The following GMCL1 variants were observed in gnomAD, a reference collection of about 807,000 sequenced individuals.
GMCL1 encodes the protein germ cell-less protein-like 1.
Under a neutral mutation model 75.5 loss-of-function variants are expected in GMCL1, and 54 were observed. The observed-to-expected ratio is 0.71, with a 90% CI of 0.57 to 0.90. The LOEUF (loss-of-function observed/expected upper bound fraction) is 0.90. Ranked by LOEUF, GMCL1 falls within the 40% of genes least tolerant of loss-of-function variation. The pLI is 0.00. For synonymous variants in GMCL1, 210 were observed against 209.6 expected (o/e 1.00, Z -0.02); for missense variants, 537 against 622.7 (o/e 0.86, Z 1.47).
At chr2:69,853,477 G>C (rs926325904) in intron 8 of GMCL1, among the ~76,000 whole-genome samples, 2 of 152,114 alleles carry the variant, frequency 1.3e-5, no homozygotes, top group African/African-American at 4.8e-5. Flanking sequence ...TTTTAGTGGG[G>C]AACACCTTCT....
At chr2:69,866,809 A>C (rs1573369332) in intron 11 of GMCL1, among the ~76,000 whole-genome samples, 1 of 152,096 alleles carries the variant, frequency 6.6e-6, no homozygotes, top group African/African-American at 2.4e-5. Context: ...GTATAAAAGA[A>C]TAGTTTTCTT....
At chr2:69,850,981 C>G (rs903141461) in intron 8 of GMCL1, among the ~76,000 whole-genome samples, 62 of 152,246 alleles carry the variant, frequency 4.1e-4, no homozygotes, top group African/African-American at 1.4e-3. Flanking sequence ...CATATGTTTC[C>G]TCTTCTGTGA....
chr2:69,879,704 C>T lies in GMCL1; in HGVS notation c.*700C>T, dbSNP rs1435544609. ...AAGAACAGTGAAAGTTAGCTTTGCA[C>T]CTTCAAATGATCTTGAATGAGGGAA... On this transcript the variant is annotated 3_prime_UTR_variant, in exon 14 of 14. Coordinates refer to ENST00000282570, the MANE Select transcript of GMCL1 (RefSeq NM_178439.5). The T allele has an allele frequency of 6.6e-6, 1 of 152,106 alleles. No individual in the cohort carries two copies. Among genetic ancestry groups the T allele is most frequent in the African/African-American group, 2.4e-5 (1 of 41,414 alleles). The allele number at this position is 152,106 out of a possible 1,614,324, so 9.4% of individuals were successfully genotyped here.
At position 69,840,965 on chromosome 2, in the gene GMCL1, C is replaced by G. The variant is rs1674967435; in HGVS notation, c.505C>G (p.Leu169Val). ...VEALQVAFGS[L>V]YRDDVLIKPS... is the part of the protein sequence containing the mutation. The stretch of plus-strand genomic sequence containing the variant: ...AGCACTGCAGGTTGCATTTGGTTCA[C>G]TGTATCGAGATGATGTCTTGATAAA... Residue 169 changes from leucine (L) to valine (V), a missense_variant, in exon 4 of 14, where the codon CTG becomes GTG. By Grantham distance (32) the Leu-to-Val change is conservative. Transcript: ENST00000282570. 2 of 1,613,872 alleles carry G rather than the reference C, an allele frequency of 1.2e-6. No individual in the cohort carries two copies. The highest frequency in any genetic ancestry group is 1.1e-5 in the South Asian group (1 of 91,040).
intron 11 of GMCL1, among the ~76,000 whole-genome samples, chr2:69,867,300 C>G (rs1023559952): frequency 6.6e-6 from 1 of 152,044 alleles, no homozygotes. Flanking sequence ...ATTTCAATAT[C>G]TCTGTTCCCT....
At chr2:69,868,368 A>G (rs1026551322) in intron 11 of GMCL1, among the ~76,000 whole-genome samples, 1 of 152,180 alleles carries the variant, frequency 6.6e-6, no homozygotes, top group Admixed American at 6.5e-5. Context: ...TATCAGTTAA[A>G]TACTGAATTG....
chr2:69,874,245 T>A (rs1163037348), intron 13 of GMCL1, among the ~76,000 whole-genome samples: 1 of 152,202 alleles, frequency 6.6e-6, no homozygotes, highest in Non-Finnish European at 1.5e-5. Flanking sequence ...TACTGTCCAA[T>A]TTATACTTCC....
intron 13 of GMCL1, among the ~76,000 whole-genome samples, chr2:69,872,056 G>C (rs1468919612): frequency 6.6e-6 from 1 of 152,122 alleles, no homozygotes; most frequent in Non-Finnish European, 1.5e-5. Context: ...ACTGTTTGAG[G>C]GGCAGGGAAA....
chr2:69,870,905 G>A (rs1476323592), intron 12 of GMCL1, among the ~76,000 whole-genome samples: 7 of 152,148 alleles, frequency 4.6e-5, no homozygotes, highest in Non-Finnish European at 1.0e-4. Context: ...GGAGTATTTA[G>A]AACCCTTGTG....
chr2:69,861,330 A>C lies in GMCL1; in HGVS notation c.1125A>C (p.Glu375Asp). The C allele has an allele frequency of 6.2e-7, 1 of 1,609,592 alleles. No individual in the cohort carries two copies. Among genetic ancestry groups the C allele is most frequent in the Non-Finnish European group, 8.5e-7 (1 of 1,176,812 alleles). ...AGTGGTTTGCTATGCTGCGGGCAGA[A>C]CAGGACAGTGAGGTGGGGTAAGTAT... is the stretch of plus-strand genomic sequence containing the variant. ...KQQWFAMLRAEQDSEVGPQEI... is the reference protein window; with the variant it reads ...KQQWFAMLRADQDSEVGPQEI... Residue 375 changes from glutamate to aspartate, a missense_variant, in exon 10 of 14, where the codon GAA becomes GAC. Physicochemically the swap from Glu to Asp is conservative, Grantham distance 45 (BLOSUM62 2). This residue lies in a region of GMCL1 where 345 missense variants were observed against 410.5 expected (regional missense o/e 0.84). Transcript: ENST00000282570.
chr2:69,836,870 A>T (rs1272999266), intron 1 of GMCL1, among the ~76,000 whole-genome samples: 2 of 152,062 alleles, frequency 1.3e-5, no homozygotes. Flanking sequence ...CTCACAGTTC[A>T]CTCCTTAGCT....
chr2:69,865,038 C>A, intron 11 of GMCL1, 63 bp downstream of exon 11: 3 of 1,193,472 alleles, frequency 2.5e-6, no homozygotes, highest in Non-Finnish European at 3.7e-6. Flanking sequence ...CATCCTGCAC[C>A]TGTAAGTAGT....
chr2:69,829,709 C>A lies in GMCL1; in HGVS notation c.-184C>A. The A allele has an allele frequency of 1.5e-6, 1 of 659,462 alleles. No individual in the cohort carries two copies. Among genetic ancestry groups the A allele is most frequent in the Non-Finnish European group, 2.5e-6 (1 of 404,776 alleles). 40.9% of individuals were successfully genotyped at this position (659,462 alleles called of 1,614,324 possible). On this transcript the variant is annotated 5_prime_UTR_variant, in exon 1 of 14. Transcript: ENST00000282570. ...GAGGTGCTGCGGTGCTAGAGCGCGGCGCGACCGGACGCTGCGGGCGGGGAA... is the reference window on the plus strand; with the variant it reads ...GAGGTGCTGCGGTGCTAGAGCGCGGAGCGACCGGACGCTGCGGGCGGGGAA...
rs956861487 is a variant in GMCL1, at chr2:69,861,266, C to A, written c.1073-12C>A. ...CGTTATTTATTATTATTAATTTATTCTTACATTTCAGAATGGCTCTCTTCT... is the reference window on the plus strand; with the variant it reads ...CGTTATTTATTATTATTAATTTATTATTACATTTCAGAATGGCTCTCTTCT... On this transcript the variant is annotated splice_polypyrimidine_tract_variant and intron_variant, in intron 9 of 13. Coordinates refer to ENST00000282570, the MANE Select transcript of GMCL1 (RefSeq NM_178439.5). 6.4e-7 allele frequency: 1 copy of A among 1,560,524 alleles called. No individual in the cohort carries two copies. The highest frequency in any genetic ancestry group is 8.8e-7 in the Non-Finnish European group (1 of 1,138,442).
chr2:69,861,385 A>G (rs774390833), intron 10 of GMCL1, 38 bp downstream of exon 10: 2 of 1,368,090 alleles, frequency 1.5e-6, no homozygotes, highest in East Asian at 4.7e-5. Flanking sequence ...CATTAAAAAA[A>G]TTTGCTATGA....
intron 11 of GMCL1, among the ~76,000 whole-genome samples, chr2:69,867,206 A>T (rs990460305): frequency 1.3e-5 from 2 of 151,964 alleles, no homozygotes; most frequent in Non-Finnish European, 2.9e-5. Flanking sequence ...TTGGCCTCCC[A>T]AATTGTTGAG....
intron 6 of GMCL1, 199 bp downstream of exon 6, chr2:69,844,395 T>C: frequency 2.6e-6 from 1 of 392,000 alleles, no homozygotes; most frequent in East Asian, 4.4e-5. Flanking sequence ...ATAATGGATA[T>C]TATGTCTACT....
intron 7 of GMCL1, among the ~76,000 whole-genome samples, chr2:69,848,421 C>T (rs985071463): frequency 6.6e-6 from 1 of 152,144 alleles, no homozygotes. Context: ...AAAATTGGTG[C>T]AGAGGTCAGG....
At chr2:69,858,875 T>C (rs945391176) in intron 9 of GMCL1, among the ~76,000 whole-genome samples, 9 of 152,078 alleles carry the variant, frequency 5.9e-5, no homozygotes, top group Non-Finnish European at 1.2e-4. Flanking sequence ...TGGCCGGGTG[T>C]GGTGGCTCAC....
Sources: gnomAD v4.1 joint callset for allele counts (sites outside exome capture counted in the v4.1 genomes callset) on GRCh38, gnomAD v4.1.1 for gene constraint, gnomAD v4.1.1 regional missense constraint, MANE v1.5 for transcripts, NCBI Gene and HGNC (gene_info 2026-07-23, HGNC 2026-07-21) for gene names.